Variants in OTOP2 observed in about 807,000 individuals in gnomAD.
OTOP2 encodes proton channel OTOP2.
A neutral mutation model predicts 47.4 loss-of-function variants in OTOP2; 41 were observed. That is an observed-to-expected ratio of 0.87 (90% CI 0.67 to 1.12). The LOEUF (loss-of-function observed/expected upper bound fraction) is 1.12, where lower values mean the gene tolerates loss of function less well. Ranked by LOEUF, OTOP2 falls within the 50% of genes most tolerant of loss-of-function variation. The pLI, the probability that OTOP2 is intolerant of heterozygous loss-of-function variation, is 0.00. For missense variants in OTOP2, 721 were observed against 752.2 expected (o/e 0.96, Z 0.49); for synonymous variants, 328 against 319.6 (o/e 1.03, Z -0.28).
intron 2 of OTOP2, 76 bp from the exon 3 acceptor site, chr17:74,925,480 C>A (rs1331996203): frequency 1.7e-5 from 27 of 1,574,086 alleles, no homozygotes; most frequent in South Asian, 1.2e-5. Context: ...ATCCTCAGGG[C>A]CTGTCCTCAG....
rs373134499 is a variant in OTOP2 at position 74,933,565 on chromosome 17, G to A, written c.*20G>A. ...TCCTGAGGCCTCCAACAGAGGCATG[G>A]GGGGCAGGAAGAGGGGGCTCAGCTC... is the stretch of plus-strand genomic sequence containing the variant. On this transcript the variant is annotated 3_prime_UTR_variant, in exon 7 of 7. Transcript: ENST00000331427. The surrounding 1 kb of genome is among the most constrained non-coding windows in gnomAD (Gnocchi z 4.7). 52 of 1,563,776 alleles carry A rather than the reference G, an allele frequency of 3.3e-5. No individual in the cohort carries two copies. The East Asian group carries it at 4.1e-4, about 12-fold the overall frequency.
intron 5 of OTOP2, among the ~76,000 whole-genome samples, chr17:74,928,511 A>G (rs2039029622): frequency 6.6e-6 from 1 of 152,182 alleles, no homozygotes. Context: ...TGGCATCACA[A>G]TGGTAAGGGT....
Position 74,924,672 on chromosome 17 carries a change from C to T in OTOP2, c.40C>T (p.Pro14Ser). The T allele has an allele frequency of 1.3e-6, 2 of 1,594,380 alleles. No homozygotes were observed. The highest frequency in any genetic ancestry group is 1.7e-6 in the Non-Finnish European group (2 of 1,173,824). ...ELAQGPKESP[P>S]APRAGPREVW... ...GGCCCAGGGCCCCAAGGAGAGCCCCCCGGCGCCGCGTGCGGGCCCCAGGGA... is the reference window on the plus strand; with the variant it reads ...GGCCCAGGGCCCCAAGGAGAGCCCCTCGGCGCCGCGTGCGGGCCCCAGGGA... The change falls in exon 2 of 7, where the codon CCG becomes TCG. Residue 14 changes from proline to serine, a missense_variant. By Grantham distance (74) the Pro-to-Ser change is moderately conservative. Transcript: ENST00000331427. The surrounding 1 kb of genome is among the most constrained non-coding windows in gnomAD (Gnocchi z 7.7).
rs765995235 is a variant in OTOP2, at chr17:74,924,918, G to A, written c.286G>A (p.Ala96Thr). 2.5e-6 allele frequency: 4 copies of A among 1,577,156 alleles called. No individual in the cohort carries two copies. Among genetic ancestry groups the A allele is most frequent in the African/African-American group, 2.7e-5 (2 of 74,626 alleles). Residue 96 changes from alanine to threonine, a missense_variant, in exon 2 of 7, where the codon GCG (alanine) becomes ACG (threonine). Coordinates refer to ENST00000331427, the MANE Select transcript of OTOP2 (RefSeq NM_178160.3). The surrounding 1 kb of genome is among the most constrained non-coding windows in gnomAD (Gnocchi z 7.7). ...CCCCTGCGCGGTACCCTACCGGGAC[G>A]CGCACGCTGGCCCCATCTGGCTCCG... ...RCPCAVPYRDAHAGPIWLRGG... is the reference protein window; with the variant it reads ...RCPCAVPYRDTHAGPIWLRGG...
chr17:74,927,695 C>A lies in OTOP2; in HGVS notation c.540C>A (p.Asn180Lys). 1.2e-6 allele frequency: 2 copies of A among 1,614,170 alleles called. No individual in the cohort carries two copies. Among genetic ancestry groups the A allele is most frequent in the Non-Finnish European group, 8.5e-7 (1 of 1,180,000 alleles). The change falls in exon 5 of 7, where the codon AAC becomes AAA. Residue 180 changes from asparagine (N) to lysine (K), a missense_variant. Physicochemically the swap from Asn to Lys is moderately conservative, Grantham distance 94 (BLOSUM62 0). Coordinates refer to ENST00000331427, the MANE Select transcript of OTOP2 (RefSeq NM_178160.3). ...WCGLMFTLTT[N>K]LAIWMAAVVD... is the part of the protein sequence containing the mutation. The stretch of plus-strand genomic sequence containing the variant: ...GTCTCATGTTCACACTCACCACCAA[C>A]CTGGCCATCTGGATGGCGGCCGTGG...
chr17:74,927,785 T>TC lies in OTOP2; in HGVS notation c.631dup (p.Leu211ProfsTer4). 1 of 1,613,992 alleles carries TC rather than the reference T, an allele frequency of 6.2e-7. No individual in the cohort carries two copies. The highest frequency in any genetic ancestry group is 8.5e-7 in the Non-Finnish European group (1 of 1,179,954). The stretch of plus-strand genomic sequence containing the variant: ...CTCACAGCAACGCCAGCCACGCCCG[T>TC]CTCATCTCTGACCGTGAGTTTCCTC... On this transcript the variant is annotated frameshift_variant, in exon 5 of 7. Coordinates refer to ENST00000331427, the MANE Select transcript of OTOP2 (RefSeq NM_178160.3). LOFTEE classifies it high-confidence loss of function.
intron 4 of OTOP2, 153 bp downstream of exon 4, chr17:74,927,434 T>A: frequency 9.4e-7 from 1 of 1,064,480 alleles, no homozygotes. Flanking sequence ...TGACTTCCAC[T>A]ACCTTGTGGG....
intron 6 of OTOP2, 74 bp downstream of exon 6, chr17:74,931,227 C>G: frequency 6.6e-7 from 1 of 1,507,608 alleles, no homozygotes; most frequent in South Asian, 1.3e-5. Flanking sequence ...GGCTTAAGCC[C>G]TTAGCCTTCT....
chr17:74,931,164 G>C lies in OTOP2; in HGVS notation c.1518+11G>C, dbSNP rs767849673. On this transcript the variant is annotated intron_variant, in intron 6 of 6. Coordinates refer to ENST00000331427, the MANE Select transcript of OTOP2 (RefSeq NM_178160.3). Reference sequence around the variant, plus strand: ...CTCTGCAATGTCATTGTGAGTAGCTGGGGGGAGAAAGGGTGGGCTTGGGAG... The same window carrying C: ...CTCTGCAATGTCATTGTGAGTAGCTCGGGGGAGAAAGGGTGGGCTTGGGAG... 4.7e-5 allele frequency: 74 copies of C among 1,568,738 alleles called. No homozygotes were observed. The highest frequency in any genetic ancestry group is 6.0e-5 in the Non-Finnish European group (69 of 1,154,824).
chr17:74,924,606 C>T lies in OTOP2; in HGVS notation c.-27C>T. 2 of 1,529,404 alleles carry T rather than the reference C, an allele frequency of 1.3e-6. No individual in the cohort carries two copies. Among genetic ancestry groups the T allele is most frequent in the African/African-American group, 1.4e-5 (1 of 73,756 alleles). The allele number at this position is 1,529,404 out of a possible 1,614,324, so 94.7% of individuals were successfully genotyped here. A position where few individuals can be genotyped will look rare whatever the true frequency, so the allele number is the denominator to read the frequency against. Reference sequence around the variant, plus strand: ...GTCCGCTCCTCCCCTACAGTGATCCCTCTAGCCTTCTCCAGTCGCCTCCGC... The same window carrying T: ...GTCCGCTCCTCCCCTACAGTGATCCTTCTAGCCTTCTCCAGTCGCCTCCGC... On this transcript the variant is annotated 5_prime_UTR_variant, in exon 2 of 7. Coordinates refer to ENST00000331427, the MANE Select transcript of OTOP2 (RefSeq NM_178160.3). This position sits in a 1 kb window ranked among gnomAD's most constrained non-coding sequence, Gnocchi z 7.7.
chr17:74,931,674 GC>G (rs1318809668), intron 6 of OTOP2, among the ~76,000 whole-genome samples: 1 of 152,006 alleles, frequency 6.6e-6, no homozygotes, highest in African/African-American at 2.4e-5. Flanking sequence ...AACAGACTTG[GC>G]CGGGTGCAGT....
chr17:74,927,966 AC>A, intron 5 of OTOP2, 168 bp downstream of exon 5: 1 of 912,894 alleles, frequency 1.1e-6, no homozygotes, highest in Non-Finnish European at 1.6e-6. Flanking sequence ...GGTGTAGGTG[AC>A]CCCAGAAGGG....
At chr17:74,926,575 A>T (rs978799778) in intron 3 of OTOP2, among the ~76,000 whole-genome samples, 1 of 151,976 alleles carries the variant, frequency 6.6e-6, no homozygotes, top group Non-Finnish European at 1.5e-5. Context: ...AAAAAAAAAA[A>T]ACTAGATAGT....
chr17:74,927,212 T>C lies in OTOP2; in HGVS notation c.451-11T>C, dbSNP rs1240864321. 1 of 1,607,978 alleles carries C rather than the reference T, an allele frequency of 6.2e-7. No individual in the cohort carries two copies. Among genetic ancestry groups the C allele is most frequent in the Non-Finnish European group, 8.5e-7 (1 of 1,174,396 alleles). On this transcript the variant is annotated splice_polypyrimidine_tract_variant and intron_variant, in intron 3 of 6. Transcript: ENST00000331427. ...GGAGTAAATGACTCTCACCAATGTC[T>C]CTCCATACAGACCTACTTTCTCTGG... is the stretch of plus-strand genomic sequence containing the variant.
At chr17:74,931,286 G>A (rs546044883) in intron 6 of OTOP2, 133 bp downstream of exon 6, 5 of 1,285,902 alleles carry the variant, frequency 3.9e-6, no homozygotes, top group Non-Finnish European at 5.2e-6. Context: ...TCTAGGAAAG[G>A]AGCAGGTTCA....
chr17:74,927,183 C>A, intron 3 of OTOP2, 40 bp from the exon 4 acceptor site: 1 of 1,555,824 alleles, frequency 6.4e-7, no homozygotes, highest in Non-Finnish European at 8.9e-7. Context: ...TTTTGTCCAT[C>A]TATGGAGTAA....
chr17:74,932,870 C>G (rs1598596622), intron 6 of OTOP2, among the ~76,000 whole-genome samples: 1 of 152,238 alleles, frequency 6.6e-6, no homozygotes, highest in East Asian at 1.9e-4. Context: ...CCACTTCCTC[C>G]CACTCCTGGA....
rs553074232 is a variant in OTOP2, at chr17:74,930,178, C to T, written c.644-101C>T. 7.6e-5 allele frequency: 101 copies of T among 1,330,258 alleles called. No individual in the cohort carries two copies. In the African/African-American group the frequency reaches 1.2e-3, roughly 16 times the overall value. The allele number at this position is 1,330,258 out of a possible 1,614,324, so 82.4% of individuals were successfully genotyped here. ...AGCCTGAGCATCAAGAGTGAAACTCCGTCTCAAAACAAAACAAAAAAAAAA... is the reference window on the plus strand; with the variant it reads ...AGCCTGAGCATCAAGAGTGAAACTCTGTCTCAAAACAAAACAAAAAAAAAA... On this transcript the variant is annotated intron_variant, in intron 5 of 6. Transcript: ENST00000331427. The surrounding 1 kb of genome is among the most constrained non-coding windows in gnomAD (Gnocchi z 4.0).
chr17:74,927,302 C>A (rs1471248045), intron 4 of OTOP2, 21 bp downstream of exon 4: 5 of 1,605,482 alleles, frequency 3.1e-6, no homozygotes, highest in South Asian at 2.2e-5. Context: ...CAGCTCGATG[C>A]CTGTACCCAG....
Sources: gnomAD v4.1 joint callset for allele counts (sites outside exome capture counted in the v4.1 genomes callset) on GRCh38, gnomAD v4.1.1 for gene constraint, Gnocchi (gnomAD v3.1) non-coding constraint, MANE v1.5 for transcripts, NCBI Gene and HGNC (gene_info 2026-07-23, HGNC 2026-07-21) for gene names.